The following SULT1E1 variants were observed in gnomAD, a reference collection of about 807,000 sequenced individuals.
The protein encoded by SULT1E1 is sulfotransferase 1E1.
SULT1E1 carries 36 observed loss-of-function variants against 33.6 expected under a neutral mutation model. The observed-to-expected ratio is 1.07, with a 90% confidence interval of 0.82 to 1.41. The LOEUF (loss-of-function observed/expected upper bound fraction) is 1.41, where lower values mean the gene tolerates loss of function less well. SULT1E1 is among the 40% of genes most tolerant of loss of function. SULT1E1 has a pLI of 0.00. For synonymous variants in SULT1E1, 121 were observed against 111.7 expected, an observed-to-expected ratio of 1.08 and a Z score of -0.53; for missense variants, 371 against 345.7, an observed-to-expected ratio of 1.07 and a Z score of -0.58.
At chr4:69,824,790 C>T in the SULT1E1 span, among the ~76,000 whole-genome samples, 1 of 152,172 alleles carries the variant, frequency 6.6e-6, no homozygotes, top group Non-Finnish European at 1.5e-5. Context: ...CCAATCAGTG[C>T]TCGGTAAAAT....
chr4:69,850,987 T>A (rs1226446224), intron 4 of SULT1E1, among the ~76,000 whole-genome samples: 1 of 152,144 alleles, frequency 6.6e-6, no homozygotes, highest in East Asian at 1.9e-4. Flanking sequence ...TGAGTCAAAG[T>A]TACCAGTTTC....
In SULT1E1 at chr4:69,855,376, C is replaced by T. The variant is rs1721213640; in HGVS notation, c.196G>A (p.Val66Met). 6.2e-7 allele frequency: 1 copy of T among 1,613,216 alleles called. No homozygotes were observed. The highest frequency in any genetic ancestry group is 8.5e-7 in the Non-Finnish European group (1 of 1,179,566). The change falls in exon 3 of 8, where the codon GTG (valine) becomes ATG (methionine). Residue 66 changes from valine (V) to methionine (M), a missense_variant. Val to Met is a conservative substitution (Grantham distance 21). Transcript: ENST00000226444. ...ATTACATCTTCTTTGCACTTTTCCA[C>T]ATCACCCTCTTTATAGATCATATAC... ...IVYMIYKEGDVEKCKEDVIFN... is the reference protein window; with the variant it reads ...IVYMIYKEGDMEKCKEDVIFN...
intron 4 of SULT1E1, among the ~76,000 whole-genome samples, chr4:69,852,545 G>A (rs1241857656): frequency 6.6e-6 from 1 of 151,984 alleles, no homozygotes; most frequent in Admixed American, 6.6e-5. Context: ...GCTCAAATCC[G>A]TTGGCCTCAG....
intron 2 of SULT1E1, 85 bp downstream of exon 2, chr4:69,857,415 T>C: frequency 1.4e-5 from 21 of 1,455,854 alleles, no homozygotes; most frequent in Non-Finnish European, 1.9e-5. Context: ...AGAGAATGAG[T>C]GTGTACGACA....
intron 6 of SULT1E1, among the ~76,000 whole-genome samples, chr4:69,845,897 CTA>C (rs1477619258): frequency 6.6e-6 from 1 of 150,498 alleles, no homozygotes; most frequent in Non-Finnish European, 1.5e-5. Flanking sequence ...CAAATTTGAT[CTA>C]GTGTTAAATT....
At chr4:69,825,543 C>G in the SULT1E1 span, among the ~76,000 whole-genome samples, 3 of 152,168 alleles carry the variant, frequency 2.0e-5, no homozygotes, top group Non-Finnish European at 4.4e-5. Flanking sequence ...AGCATGCCTG[C>G]TGGACTAAAG....
At chr4:69,824,514 T>A in the SULT1E1 span, among the ~76,000 whole-genome samples, 1 of 152,148 alleles carries the variant, frequency 6.6e-6, no homozygotes, top group Non-Finnish European at 1.5e-5. Flanking sequence ...GGTTTAGCCA[T>A]GAGCAAGAAA....
Position 69,857,744 on chromosome 4 carries a change from C to T in SULT1E1, c.-9-91G>A, listed in dbSNP as rs1578107742. ...TATATAACGGGACCCTCCTACATAC[C>T]TAGCACTTCTTAGTTGTTGCACATA... On this transcript the variant is annotated intron_variant, in intron 1 of 7. Coordinates refer to ENST00000226444, the MANE Select transcript of SULT1E1 (RefSeq NM_005420.3). 2.5e-6 allele frequency: 3 copies of T among 1,200,728 alleles called. No individual in the cohort carries two copies. The East Asian group carries it at 7.5e-5, about 30-fold the overall frequency. 74.4% of individuals were successfully genotyped at this position (1,200,728 alleles called of 1,614,324 possible).
At chr4:69,847,896 T>C (rs1721014733) in intron 5 of SULT1E1, 104 bp from the exon 6 acceptor site, 1 of 623,276 alleles carries the variant, frequency 1.6e-6, no homozygotes, top group Non-Finnish European at 2.7e-6. Flanking sequence ...AAATAGATAA[T>C]CATGAAATTA....
At chr4:69,844,960 G>C (rs1720945556) in intron 6 of SULT1E1, among the ~76,000 whole-genome samples, 1 of 151,932 alleles carries the variant, frequency 6.6e-6, no homozygotes, top group African/African-American at 2.4e-5. Flanking sequence ...CCAATCAAAT[G>C]CTGTTTCTAA....
the SULT1E1 span, among the ~76,000 whole-genome samples, chr4:69,830,688 G>C: frequency 2.0e-5 from 3 of 152,318 alleles, no homozygotes; most frequent in Non-Finnish European, 4.4e-5. Context: ...AGGAGCATTT[G>C]CTTCTAGCCA....
intron 7 of SULT1E1, among the ~76,000 whole-genome samples, chr4:69,843,038 G>C (rs1416710024): frequency 2.0e-5 from 3 of 151,924 alleles, no homozygotes; most frequent in African/African-American, 7.3e-5. Flanking sequence ...GGGTTTCACT[G>C]TGTTAGCCAG....
At chr4:69,852,551 C>T (rs538443319) in intron 4 of SULT1E1, among the ~76,000 whole-genome samples, 4 of 152,276 alleles carry the variant, frequency 2.6e-5, no homozygotes, top group Admixed American at 2.0e-4. Context: ...ATCCGTTGGC[C>T]TCAGTTATTT....
At position 69,844,219 on chromosome 4, in the gene SULT1E1, A is replaced by G. The variant is rs1720932880; in HGVS notation, c.714T>C (p.Asn238=). Residue 238 remains asparagine, a synonymous_variant, in exon 7 of 8, where the codon AAT becomes AAC. Coordinates refer to ENST00000226444, the MANE Select transcript of SULT1E1 (RefSeq NM_005420.3). ...TAATTTCGTCTGGCAGTGTTGTGTAATTTGTGGATGGATTGTTCTTCATCT... is the reference window on the plus strand; with the variant it reads ...TAATTTCGTCTGGCAGTGTTGTGTAGTTTGTGGATGGATTGTTCTTCATCT... ...FQEMKNNPST[N]YTTLPDEIMN... 1 of 1,613,852 alleles carries G rather than the reference A, an allele frequency of 6.2e-7. No homozygotes were observed.
At chr4:69,847,911 A>G in intron 5 of SULT1E1, 119 bp from the exon 6 acceptor site, 1 of 547,536 alleles carries the variant, frequency 1.8e-6, no homozygotes, top group Non-Finnish European at 3.1e-6. Flanking sequence ...AAATTAGAAT[A>G]GATCAGCTGT....
At chr4:69,827,501 A>G in the SULT1E1 span, among the ~76,000 whole-genome samples, 1 of 152,282 alleles carries the variant, frequency 6.6e-6, no homozygotes, top group Non-Finnish European at 1.5e-5. Flanking sequence ...CGGGAAAGGA[A>G]GAAAATCCTT....
the SULT1E1 span, among the ~76,000 whole-genome samples, chr4:69,824,875 C>T: frequency 1.2e-4 from 19 of 152,182 alleles, no homozygotes; most frequent in Non-Finnish European, 2.5e-4. Flanking sequence ...AGTGGCAACC[C>T]GCTGAGGTCC....
At chr4:69,844,662 T>TCCCCTGTG (rs1370210969) in intron 6 of SULT1E1, among the ~76,000 whole-genome samples, 1 of 152,060 alleles carries the variant, frequency 6.6e-6, no homozygotes, top group Non-Finnish European at 1.5e-5. Flanking sequence ...AAACCTAAAG[T>TCCCCTGTG]CCCCTGTGAA....
the SULT1E1 span, among the ~76,000 whole-genome samples, chr4:69,832,920 C>T: frequency 3.9e-5 from 6 of 152,116 alleles, no homozygotes; most frequent in African/African-American, 1.4e-4. Flanking sequence ...CTCCTCACAT[C>T]TCTATATTGA....
Sources: gnomAD v4.1 joint callset for allele counts (sites outside exome capture counted in the v4.1 genomes callset) on GRCh38, gnomAD v4.1.1 for gene constraint, MANE v1.5 for transcripts, NCBI Gene and HGNC (gene_info 2026-07-23, HGNC 2026-07-21) for gene names.